Variants in MAPKAP1 observed in about 807,000 individuals in gnomAD.
MAPKAP1 encodes target of rapamycin complex 2 subunit MAPKAP1.
In MAPKAP1, 20 loss-of-function variants were observed where a neutral mutation model predicts 65.7. The observed-to-expected ratio is 0.30, with a 90% confidence interval of 0.21 to 0.44. The LOEUF (loss-of-function observed/expected upper bound fraction) is 0.44. MAPKAP1 is among the 20% of genes least tolerant of loss of function. MAPKAP1 has a pLI of 1.00. For missense variants in MAPKAP1, 423 were observed against 648.0 expected (o/e 0.65, Z 3.77); for synonymous variants, 222 against 244.3 (o/e 0.91, Z 0.85).
intron 1 of MAPKAP1, among the ~76,000 whole-genome samples, chr9:125,688,000 CTT>C (rs1362791577): frequency 3.9e-5 from 6 of 152,144 alleles, no homozygotes; most frequent in Non-Finnish European, 7.3e-5. Context: ...TTTTATGTGA[CTT>C]TGAATGGTGC....
intron 7 of MAPKAP1, among the ~76,000 whole-genome samples, chr9:125,506,981 G>A (rs377018671): frequency 6.6e-6 from 1 of 152,094 alleles, no homozygotes; most frequent in Non-Finnish European, 1.5e-5. Context: ...CAGATGACCT[G>A]GCATTCATAT....
chr9:125,451,423 G>A (rs535745860), intron 10 of MAPKAP1, among the ~76,000 whole-genome samples: 2 of 152,242 alleles, frequency 1.3e-5, no homozygotes, highest in African/African-American at 4.8e-5. Flanking sequence ...CTCTAACTAC[G>A]TTTTTCCTGT....
intron 4 of MAPKAP1, among the ~76,000 whole-genome samples, chr9:125,598,645 T>C (rs1832211312): frequency 1.3e-5 from 2 of 152,188 alleles, no homozygotes; most frequent in Admixed American, 6.5e-5. Flanking sequence ...ACTTACTATG[T>C]GTGCCTGGAC....
chr9:125,602,933 T>G (rs990058468), intron 4 of MAPKAP1, among the ~76,000 whole-genome samples: 14 of 152,178 alleles, frequency 9.2e-5, no homozygotes, highest in African/African-American at 3.1e-4. Flanking sequence ...CTCACTCTTT[T>G]GTCCAGGCTG....
intron 4 of MAPKAP1, among the ~76,000 whole-genome samples, chr9:125,632,741 C>A (rs1482759628): frequency 6.6e-6 from 1 of 152,174 alleles, no homozygotes; most frequent in Non-Finnish European, 1.5e-5. Flanking sequence ...AATGAACACA[C>A]AAGAGACCTA....
intron 10 of MAPKAP1, among the ~76,000 whole-genome samples, chr9:125,448,761 T>C (rs1303150705): frequency 6.6e-6 from 1 of 152,162 alleles, no homozygotes. Context: ...TCCCAGCACT[T>C]TGGGAGGCCA....
chr9:125,489,438 G>A (rs2133048538), intron 8 of MAPKAP1, among the ~76,000 whole-genome samples: 1 of 152,276 alleles, frequency 6.6e-6, no homozygotes, highest in African/African-American at 2.4e-5. Context: ...AATGTATTGT[G>A]TCAAAACGCT....
chr9:125,630,766 A>T (rs1833256781), intron 4 of MAPKAP1, among the ~76,000 whole-genome samples: 1 of 152,094 alleles, frequency 6.6e-6, no homozygotes, highest in Non-Finnish European at 1.5e-5. Flanking sequence ...TGGATCATGG[A>T]GGCAGATCCC....
intron 10 of MAPKAP1, among the ~76,000 whole-genome samples, chr9:125,465,338 T>C (rs143725132): frequency 3.1e-4 from 47 of 152,300 alleles, no homozygotes; most frequent in African/African-American, 1.1e-3. Context: ...TTAGTGATGT[T>C]AAAATAACTT....
chr9:125,622,033 C>G (rs1318579418), intron 4 of MAPKAP1, among the ~76,000 whole-genome samples: 1 of 152,014 alleles, frequency 6.6e-6, no homozygotes, highest in African/African-American at 2.4e-5. Flanking sequence ...AAGTCAGGCA[C>G]TGAAAGATAA....
intron 9 of MAPKAP1, among the ~76,000 whole-genome samples, chr9:125,484,196 C>T (rs373780149): frequency 6.6e-6 from 1 of 152,186 alleles, no homozygotes; most frequent in East Asian, 1.9e-4. Context: ...TCACCGAAGT[C>T]AATCAGTTTG....
chr9:125,545,612 C>T (rs1830400310), intron 6 of MAPKAP1, among the ~76,000 whole-genome samples: 1 of 152,342 alleles, frequency 6.6e-6, no homozygotes, highest in East Asian at 1.9e-4. Flanking sequence ...TCCTAATCTG[C>T]TGCCGGCTGA....
At chr9:125,561,626 G>A (rs1830896751) in intron 5 of MAPKAP1, among the ~76,000 whole-genome samples, 1 of 152,186 alleles carries the variant, frequency 6.6e-6, no homozygotes, top group South Asian at 2.1e-4. Flanking sequence ...CTGGCTAAGA[G>A]AGCTCTGTGG....
In MAPKAP1 at chr9:125,484,310, T is replaced by C; in HGVS notation, c.1207+133A>G. 7.4e-6 allele frequency: 7 copies of C among 949,646 alleles called. No homozygotes were observed. The South Asian group carries it at 1.7e-4, about 23-fold the overall frequency. 58.8% of individuals were successfully genotyped at this position (949,646 alleles called of 1,614,324 possible). A position where few individuals can be genotyped will look rare whatever the true frequency, so the allele number is the denominator to read the frequency against. On this transcript the variant is annotated intron_variant, in intron 9 of 11. Transcript: ENST00000265960. The stretch of plus-strand genomic sequence containing the variant: ...AAAGGATGTACTTCAAATTCCATTG[T>C]TTAAACATTTTCTCAGAAAACAAAT...
chr9:125,447,260 C>CG lies in MAPKAP1; in HGVS notation c.1346-2663_1346-2662insC. The CG allele has an allele frequency of 1.0e-5, 4 of 388,496 alleles. No individual in the cohort carries two copies. Among genetic ancestry groups the CG allele is most frequent in the Admixed American group, 5.4e-5 (2 of 37,270 alleles). The allele number at this position is 388,496 out of a possible 1,614,324, so 24.1% of individuals were successfully genotyped here. A position where few individuals can be genotyped will look rare whatever the true frequency, so the allele number is the denominator to read the frequency against. ...GAAGCAGGTGAGGAGGAGGAAGAGT[C>CG]CCAACATTCCCCCACTCTCCCTCAA... On this transcript the variant is annotated intron_variant, in intron 10 of 11. Transcript: ENST00000265960. This position sits in a 1 kb window ranked among gnomAD's most constrained non-coding sequence, Gnocchi z 4.5.
chr9:125,539,362 CATA>C (rs1388188396), intron 7 of MAPKAP1, among the ~76,000 whole-genome samples: 1 of 152,226 alleles, frequency 6.6e-6, no homozygotes, highest in Non-Finnish European at 1.5e-5. Flanking sequence ...ACCTCTATTT[CATA>C]ATGAGACTAC....
At chr9:125,498,113 A>G (rs531548083) in intron 8 of MAPKAP1, among the ~76,000 whole-genome samples, 1 of 152,346 alleles carries the variant, frequency 6.6e-6, no homozygotes. Flanking sequence ...GATGTAGTAG[A>G]TTATCCGACA....
intron 10 of MAPKAP1, among the ~76,000 whole-genome samples, chr9:125,453,521 A>G (rs2132949662): frequency 1.3e-5 from 2 of 152,400 alleles, no homozygotes; most frequent in South Asian, 4.1e-4. Flanking sequence ...AAAGTGAGGC[A>G]TATTTTAATG....
intron 4 of MAPKAP1, among the ~76,000 whole-genome samples, chr9:125,600,200 T>C (rs1832261046): frequency 7.0e-6 from 1 of 142,120 alleles, no homozygotes; most frequent in Non-Finnish European, 1.5e-5. Flanking sequence ...TCATAAAACA[T>C]GGGGGGAAGT....
Sources: gnomAD v4.1 joint callset for allele counts (sites outside exome capture counted in the v4.1 genomes callset) on GRCh38, gnomAD v4.1.1 for gene constraint, Gnocchi (gnomAD v3.1) non-coding constraint, MANE v1.5 for transcripts, NCBI Gene and HGNC (gene_info 2026-07-23, HGNC 2026-07-21) for gene names.